The following PNPLA8 variants were observed in gnomAD, a reference collection of about 807,000 sequenced individuals.
PNPLA8 encodes calcium-independent phospholipase A2-gamma.
PNPLA8 carries 39 observed loss-of-function variants against 76.9 expected under a neutral mutation model. The ratio of observed to expected loss-of-function variants is 0.51; its 90% CI spans 0.39 to 0.66. The LOEUF is 0.66. Ranked by LOEUF, PNPLA8 falls within the 30% of genes least tolerant of loss-of-function variation. PNPLA8 has a pLI of 0.00. For synonymous variants in PNPLA8, 301 were observed against 307.9 expected (o/e 0.98, Z 0.24); for missense variants, 887 against 918.0 (o/e 0.97, Z 0.44).
intron 4 of PNPLA8, among the ~76,000 whole-genome samples, chr7:108,507,868 A>C (rs1282809575): frequency 6.7e-6 from 1 of 149,938 alleles, no homozygotes; most frequent in Non-Finnish European, 1.5e-5. Context: ...GGCTGGTTCA[A>C]TATACGCAAA....
chr7:108,527,616 A>G (rs1186044515), upstream of PNPLA8: 1 of 152,208 alleles, frequency 6.6e-6, no homozygotes, highest in African/African-American at 2.4e-5. Flanking sequence ...AAAAACAGCT[A>G]GGATTTATAA....
chr7:108,506,210 T>A (rs1376849672), intron 4 of PNPLA8, among the ~76,000 whole-genome samples: 1 of 152,094 alleles, frequency 6.6e-6, no homozygotes, highest in Non-Finnish European at 1.5e-5. Flanking sequence ...AAACCCCGTC[T>A]CTACTAAAAA....
intron 5 of PNPLA8, among the ~76,000 whole-genome samples, chr7:108,498,997 G>A (rs1861755796): frequency 6.6e-6 from 1 of 152,142 alleles, no homozygotes; most frequent in Admixed American, 6.5e-5. Flanking sequence ...GAAAACCAAA[G>A]ATGCTGATTT....
rs1303304831 is a variant in PNPLA8 at position 108,514,288 on chromosome 7, G to A, written c.1062C>T (p.Ile354=). ...KRLSLQREKI[I]ARVSIDNRTR... is the part of the protein sequence containing the mutation. ...TCCTGTTATCAATACTCACCCTTGCGATAATCTACAAAGACATATTAAATA... is the reference window on the plus strand; with the variant it reads ...TCCTGTTATCAATACTCACCCTTGCAATAATCTACAAAGACATATTAAATA... The change falls in exon 4 of 11, where the codon ATC becomes ATT. Residue 354 remains isoleucine, a synonymous_variant. Coordinates refer to ENST00000257694, the MANE Select transcript of PNPLA8 (RefSeq NM_001256007.3). The A allele has an allele frequency of 1.1e-5, 18 of 1,608,032 alleles. No homozygotes were observed. The highest frequency in any genetic ancestry group is 4.0e-5 in the African/African-American group (3 of 74,610).
At chr7:108,510,936 G>A in intron 4 of PNPLA8, 9 of 1,575,294 alleles carry the variant, frequency 5.7e-6, no homozygotes, top group Non-Finnish European at 7.8e-6. Context: ...GCTGGCAACA[G>A]GGAGGACCAG....
chr7:108,497,021 C>T (rs1380560724), intron 6 of PNPLA8, among the ~76,000 whole-genome samples: 1 of 151,758 alleles, frequency 6.6e-6, no homozygotes, highest in Non-Finnish European at 1.5e-5. Flanking sequence ...AAATGCTACC[C>T]CCAATAATGA....
chr7:108,506,184 C>T (rs1210190605), intron 4 of PNPLA8, among the ~76,000 whole-genome samples: 1 of 152,086 alleles, frequency 6.6e-6, no homozygotes, highest in East Asian at 1.9e-4. Context: ...TGGAGACCAG[C>T]CTGACCAACA....
At chr7:108,518,742 T>C (rs1321513252) in intron 2 of PNPLA8, among the ~76,000 whole-genome samples, 11 of 91,094 alleles carry the variant, frequency 1.2e-4, no homozygotes, top group African/African-American at 5.2e-4. Context: ...TATATATATA[T>C]ATATATATAT....
intron 4 of PNPLA8, among the ~76,000 whole-genome samples, chr7:108,512,182 C>CT (rs1339922670): frequency 6.6e-6 from 1 of 152,184 alleles, no homozygotes; most frequent in African/African-American, 2.4e-5. Flanking sequence ...AGAAATAAAA[C>CT]TGTTTTGTTA....
chr7:108,491,531 C>A, intron 7 of PNPLA8, 64 bp from the exon 8 acceptor site: 3 of 986,808 alleles, frequency 3.0e-6, no homozygotes, highest in Non-Finnish European at 4.9e-6. Flanking sequence ...AACCAGGAAA[C>A]ATACAGTATG....
rs1224497527 is a variant in PNPLA8, at chr7:108,491,425, G to A, written c.1668C>T (p.Asn556=). The change falls in exon 8 of 11, where the codon AAC becomes AAT. Residue 556 remains asparagine (N), a synonymous_variant. Coordinates refer to ENST00000257694, the MANE Select transcript of PNPLA8 (RefSeq NM_001256007.3). ...GSALMIETAR[N]PTCPKVAAVS... ...CTAAGCTTACCTTAGGACATGTGGG[G>A]TTTCTTGCTGTTTCAATCATCAGTG... 1 of 1,603,552 alleles carries A rather than the reference G, an allele frequency of 6.2e-7. No individual in the cohort carries two copies. Among genetic ancestry groups the A allele is most frequent in the East Asian group, 2.2e-5 (1 of 44,842 alleles).
Position 108,480,852 on chromosome 7 carries a change from T to C in PNPLA8, c.1879-1473A>G, listed in dbSNP as rs1385535054. The C allele has an allele frequency of 1.2e-5, 3 of 249,426 alleles. No homozygotes were observed. In the East Asian group the frequency reaches 3.1e-4, roughly 25 times the overall value. 15.5% of individuals were successfully genotyped at this position (249,426 alleles called of 1,614,324 possible). A position where few individuals can be genotyped will look rare whatever the true frequency, so the allele number is the denominator to read the frequency against. On this transcript the variant is annotated intron_variant, in intron 9 of 10. Transcript: ENST00000257694. ...ACAATCAAGATACAGAATAGTTCCA[T>C]CACCCCCAAAAACTCTCTCATGCTA... is the stretch of plus-strand genomic sequence containing the variant.
intron 9 of PNPLA8, among the ~76,000 whole-genome samples, chr7:108,482,021 A>G (rs1309996228): frequency 6.6e-6 from 1 of 152,190 alleles, no homozygotes; most frequent in Non-Finnish European, 1.5e-5. Context: ...ATGGCCATAT[A>G]TGTGGGAGTC....
chr7:108,515,434 C>T lies in PNPLA8; in HGVS notation c.58G>A (p.Val20Ile), dbSNP rs2154516788. Reference protein sequence around the residue: ...YIYLLSNARSVCGKQRSKQLY... With the variant: ...YIYLLSNARSICGKQRSKQLY... ...TGCTTGCTTCTCTGCTTCCCACAAA[C>T]ACTTCTTGCATTACTAAGGAGGTAA... The change falls in exon 3 of 11, where the codon GTT becomes ATT. Residue 20 changes from valine to isoleucine, a missense_variant. Coordinates refer to ENST00000257694, the MANE Select transcript of PNPLA8 (RefSeq NM_001256007.3). The T allele has an allele frequency of 6.2e-7, 1 of 1,603,974 alleles. No individual in the cohort carries two copies. The highest frequency in any genetic ancestry group is 8.5e-7 in the Non-Finnish European group (1 of 1,175,834).
In PNPLA8 at chr7:108,514,041, C is replaced by A. The variant is rs1043712939; in HGVS notation, c.1206+103G>T. 1.1e-5 allele frequency: 9 copies of A among 806,590 alleles called. No homozygotes were observed. In the Admixed American group the frequency reaches 1.9e-4, roughly 17 times the overall value. The allele number at this position is 806,590 out of a possible 1,614,324, so 50.0% of individuals were successfully genotyped here. Reference sequence around the variant, plus strand: ...CACATCACATGTATAATAAAAACCACAAAATTCAAATGGAAAAATGAAAGG... The same window carrying A: ...CACATCACATGTATAATAAAAACCAAAAAATTCAAATGGAAAAATGAAAGG... On this transcript the variant is annotated intron_variant, in intron 4 of 10. Coordinates refer to ENST00000257694, the MANE Select transcript of PNPLA8 (RefSeq NM_001256007.3).
chr7:108,473,977 C>A (rs1859802059), intron 10 of PNPLA8, among the ~76,000 whole-genome samples: 1 of 152,052 alleles, frequency 6.6e-6, no homozygotes. Flanking sequence ...CAGGTGTGAA[C>A]CACCATACCC....
intron 7 of PNPLA8, among the ~76,000 whole-genome samples, chr7:108,495,750 A>C (rs917730605): frequency 2.0e-5 from 3 of 152,200 alleles, no homozygotes; most frequent in African/African-American, 7.2e-5. Flanking sequence ...GTAAATGTCC[A>C]TAAAAATCCT....
intron 4 of PNPLA8, among the ~76,000 whole-genome samples, chr7:108,507,867 A>C (rs1238244262): frequency 6.7e-6 from 1 of 149,962 alleles, no homozygotes; most frequent in Non-Finnish European, 1.5e-5. Context: ...AGGCTGGTTC[A>C]ATATACGCAA....
chr7:108,505,350 A>T (rs1355115381), intron 4 of PNPLA8, among the ~76,000 whole-genome samples: 410 of 6,818 alleles, frequency 0.06, 52 homozygotes, highest in East Asian at 0.28. Flanking sequence ...ATATATATAT[A>T]TATTTTTTTT....
Sources: allele counts gnomAD v4.1 joint callset (sites outside exome capture counted in the v4.1 genomes callset), GRCh38; gene constraint gnomAD v4.1.1; transcripts MANE v1.5; gene names NCBI Gene and HGNC (gene_info 2026-07-23, HGNC 2026-07-21).